OPCML: variants seen among roughly 807,000 people sequenced by gnomAD.
OPCML encodes the protein opioid-binding protein/cell adhesion molecule.
A neutral mutation model predicts 37.8 loss-of-function variants in OPCML; 13 were observed. The observed-to-expected ratio is 0.34, with a 90% confidence interval of 0.22 to 0.55. The LOEUF is 0.55. OPCML is among the 20% of genes least tolerant of loss of function. The pLI, the probability that OPCML is intolerant of heterozygous loss-of-function variation, is 0.91. For missense variants in OPCML, 341 were observed against 435.6 expected, an observed-to-expected ratio of 0.78 and a Z score of 1.93; for synonymous variants, 176 against 168.8, an observed-to-expected ratio of 1.04 and a Z score of -0.33.
intron 4 of OPCML, among the ~76,000 whole-genome samples, chr11:132,439,698 A>ATTT (rs10548500): frequency 3.4e-5 from 5 of 147,712 alleles, no homozygotes; most frequent in Non-Finnish European, 3.0e-5. Context: ...ACACCTCGCC[A>ATTT]TTTTTTTTTT....
At chr11:133,207,322 A>G (rs985745346) in intron 1 of OPCML, among the ~76,000 whole-genome samples, 1 of 151,986 alleles carries the variant, frequency 6.6e-6, no homozygotes, top group Non-Finnish European at 1.5e-5. Context: ...CAAACAAACA[A>G]AAAAGAGAAC....
intron 1 of OPCML, among the ~76,000 whole-genome samples, chr11:133,386,527 G>C (rs1470100802): frequency 6.6e-6 from 1 of 152,134 alleles, no homozygotes. Context: ...TCTTATCTTA[G>C]TGGGTCTCTG....
intron 1 of OPCML, among the ~76,000 whole-genome samples, chr11:133,380,240 G>C (rs1452245266): frequency 6.6e-6 from 1 of 152,170 alleles, no homozygotes; most frequent in African/African-American, 2.4e-5. Context: ...GTTTAAAGAG[G>C]TGAAATTTTA....
At chr11:132,947,376 C>T (rs1011989037) in intron 1 of OPCML, among the ~76,000 whole-genome samples, 1 of 152,152 alleles carries the variant, frequency 6.6e-6, no homozygotes, top group Non-Finnish European at 1.5e-5. Flanking sequence ...CAGCTGGCTC[C>T]CCTGAAATAA....
At chr11:132,494,162 T>C (rs538260739) in intron 4 of OPCML, among the ~76,000 whole-genome samples, 2 of 152,294 alleles carry the variant, frequency 1.3e-5, no homozygotes, top group Non-Finnish European at 2.9e-5. Context: ...ATCCAAGAAG[T>C]TGTTGTCAAT....
At chr11:132,946,286 C>A (rs1945743809) in intron 1 of OPCML, among the ~76,000 whole-genome samples, 1 of 152,156 alleles carries the variant, frequency 6.6e-6, no homozygotes, top group African/African-American at 2.4e-5. Context: ...AAGGACCTGC[C>A]TGTGGCTGTT....
At chr11:133,389,372 G>A (rs1432769938) in intron 1 of OPCML, among the ~76,000 whole-genome samples, 2 of 152,198 alleles carry the variant, frequency 1.3e-5, no homozygotes, top group Non-Finnish European at 2.9e-5. Context: ...CCTACCTGTA[G>A]GGCCTTAGTG....
At chr11:133,025,141 G>C (rs1428619364) in intron 1 of OPCML, 11 of 568,072 alleles carry the variant, frequency 1.9e-5, no homozygotes, top group East Asian at 1.5e-4. Context: ...GGAGTAATTA[G>C]AATGTTAGAC....
intron 2 of OPCML, chr11:132,859,429 G>A (rs1410495099): frequency 2.0e-5 from 3 of 152,204 alleles, no homozygotes; most frequent in East Asian, 3.8e-4. Context: ...TCAATTCTAA[G>A]TTAACTGAGT....
At chr11:132,423,437 C>T (rs1298234024) in intron 7 of OPCML, among the ~76,000 whole-genome samples, 1 of 152,198 alleles carries the variant, frequency 6.6e-6, no homozygotes, top group Non-Finnish European at 1.5e-5. Flanking sequence ...TGAGACTTGT[C>T]AGCTGGGCCA....
At chr11:132,581,858 G>A (rs1444449597) in intron 3 of OPCML, among the ~76,000 whole-genome samples, 2 of 151,990 alleles carry the variant, frequency 1.3e-5, no homozygotes, top group Non-Finnish European at 2.9e-5. Flanking sequence ...ATCTCAAGGG[G>A]AGGGAATTCC....
chr11:133,225,762 G>C (rs1940011082), intron 1 of OPCML, among the ~76,000 whole-genome samples: 1 of 152,152 alleles, frequency 6.6e-6, no homozygotes, highest in South Asian at 2.1e-4. Flanking sequence ...AGGAAAAAGG[G>C]CCTTAAGTTA....
chr11:132,743,003 T>A (rs1163816042), intron 2 of OPCML, among the ~76,000 whole-genome samples: 1 of 152,074 alleles, frequency 6.6e-6, no homozygotes, highest in Non-Finnish European at 1.5e-5. Flanking sequence ...TTGCCCACTT[T>A]TCCTTCTGCT....
At chr11:133,531,810 T>C (rs1322419218) in intron 1 of OPCML, among the ~76,000 whole-genome samples, 1 of 151,672 alleles carries the variant, frequency 6.6e-6, no homozygotes, top group Non-Finnish European at 1.5e-5. Flanking sequence ...CGCAGAGATC[T>C]GGACTGATTC....
chr11:132,681,699 T>C (rs1942950470), intron 2 of OPCML, among the ~76,000 whole-genome samples: 3 of 152,122 alleles, frequency 2.0e-5, no homozygotes, highest in Admixed American at 2.0e-4. Context: ...CTCACACCTG[T>C]AATCCCAGCA....
chr11:132,477,098 G>T (rs1289090398), intron 4 of OPCML, among the ~76,000 whole-genome samples: 1 of 152,124 alleles, frequency 6.6e-6, no homozygotes, highest in South Asian at 2.1e-4. Flanking sequence ...TTCACCCTGT[G>T]GTTCCCAGGT....
At chr11:132,500,646 G>A (rs138807552) in intron 4 of OPCML, among the ~76,000 whole-genome samples, 1 of 152,208 alleles carries the variant, frequency 6.6e-6, no homozygotes. Flanking sequence ...TGCCATGGTG[G>A]TTTGCTGCAC....
At chr11:132,664,309 C>G (rs1223680822) in intron 2 of OPCML, among the ~76,000 whole-genome samples, 1 of 152,098 alleles carries the variant, frequency 6.6e-6, no homozygotes, top group Non-Finnish European at 1.5e-5. Context: ...TCTTGTCTCT[C>G]TTCCCATCCT....
intron 4 of OPCML, among the ~76,000 whole-genome samples, chr11:132,471,927 C>T (rs144629745): frequency 6.6e-6 from 1 of 152,270 alleles, no homozygotes; most frequent in Non-Finnish European, 1.5e-5. Context: ...TTCACTTTCC[C>T]TCACCCTCTT....
Sources: allele counts gnomAD v4.1 joint callset (sites outside exome capture counted in the v4.1 genomes callset), GRCh38; gene constraint gnomAD v4.1.1; transcripts MANE v1.5; gene names NCBI Gene and HGNC (gene_info 2026-07-23, HGNC 2026-07-21).